Variants in CCDC170 observed in about 807,000 individuals in gnomAD.
CCDC170 encodes the protein coiled-coil domain containing 170, also known as coiled-coil domain-containing protein 170.
CCDC170 carries 69 observed loss-of-function variants against 72.6 expected under a neutral mutation model. That is an observed-to-expected ratio of 0.95 (90% CI 0.78 to 1.16). CCDC170 has a LOEUF of 1.16. Ranked by LOEUF, CCDC170 falls within the 50% of genes most tolerant of loss-of-function variation. CCDC170 has a pLI of 0.00. For missense variants in CCDC170, 852 were observed against 832.5 expected, an observed-to-expected ratio of 1.02 and a Z score of -0.29; for synonymous variants, 300 against 303.9, an observed-to-expected ratio of 0.99 and a Z score of 0.13.
chr6:151,575,693 CTAA>C (rs1386221541), intron 6 of CCDC170, among the ~76,000 whole-genome samples: 1 of 151,528 alleles, frequency 6.6e-6, no homozygotes, highest in Non-Finnish European at 1.5e-5. Context: ...CCACACCCAG[CTAA>C]TTTTTGTATT....
At chr6:151,526,512 G>T (rs12210735) in intron 1 of CCDC170, among the ~76,000 whole-genome samples, 1 of 141,954 alleles carries the variant, frequency 7.0e-6, no homozygotes. Context: ...GAGCCACCCC[G>T]CCTGGCCTTT....
At chr6:151,538,388 A>G (rs1477608213) in intron 3 of CCDC170, 87 bp downstream of exon 3, 1 of 1,302,026 alleles carries the variant, frequency 7.7e-7, no homozygotes, top group African/African-American at 1.5e-5. Flanking sequence ...AAGTACTGGC[A>G]TTTTGCATTA....
rs1457571509 is a variant in CCDC170, at chr6:151,573,732, AGAG to A, written c.1092+242_1092+244del. Among the ~76,000 whole-genome samples, 45 of 152,310 alleles carry A rather than the reference AGAG, an allele frequency of 3.0e-4. No homozygotes were observed. In the East Asian group the frequency reaches 4.8e-3, roughly 16 times the overall value. ...TCTTACGTGGTGGCAGGCAAGAGAGAGAGTGTGCAGGGGAACTGCCCTTTATAA... is the reference window on the plus strand; with the variant it reads ...TCTTACGTGGTGGCAGGCAAGAGAGATGTGCAGGGGAACTGCCCTTTATAA... On this transcript the variant is annotated intron_variant, in intron 6 of 10. Coordinates refer to ENST00000239374, the MANE Select transcript of CCDC170 (RefSeq NM_025059.4).
intron 1 of CCDC170, among the ~76,000 whole-genome samples, chr6:151,533,398 TGG>T (rs1229355268): frequency 6.6e-6 from 1 of 151,924 alleles, no homozygotes; most frequent in Non-Finnish European, 1.5e-5. Context: ...CTGGGCGTAG[TGG>T]CTCATGTCAG....
rs1782622851 is a variant in CCDC170 at position 151,538,120 on chromosome 6, A to C, written c.262A>C (p.Lys88Gln). 1.9e-6 allele frequency: 3 copies of C among 1,613,884 alleles called. No homozygotes were observed. Among genetic ancestry groups the C allele is most frequent in the Non-Finnish European group, 2.5e-6 (3 of 1,179,936 alleles). ...ACTGAAAGCTGAAATGGAGAGCTAC[A>C]AGGAAAACAATGCCAGAAAATCATC... ...QELKAEMESY[K>Q]ENNARKSSLL... Residue 88 changes from lysine (K) to glutamine (Q), a missense_variant, in exon 3 of 11, where the codon AAG becomes CAG. Physicochemically the swap from Lys to Gln is moderately conservative, Grantham distance 53. Coordinates refer to ENST00000239374, the MANE Select transcript of CCDC170 (RefSeq NM_025059.4).
chr6:151,588,759 G>A (rs1197138071), intron 7 of CCDC170, among the ~76,000 whole-genome samples: 4 of 152,004 alleles, frequency 2.6e-5, no homozygotes, highest in Non-Finnish European at 5.9e-5. Context: ...TGGGCAACAT[G>A]GTGAAACCCC....
chr6:151,538,720 C>G (rs17824408), intron 3 of CCDC170, among the ~76,000 whole-genome samples: 26,951 of 152,076 alleles, frequency 0.18, 2,469 homozygotes, highest in East Asian at 0.27. Flanking sequence ...GATTTTATTG[C>G]TAGTTTATGC....
intron 1 of CCDC170, among the ~76,000 whole-genome samples, chr6:151,533,547 A>C (rs1782527017): frequency 6.6e-6 from 1 of 151,816 alleles, no homozygotes; most frequent in Non-Finnish European, 1.5e-5. Flanking sequence ...CATGCCTGTA[A>C]TCCCAGCTAT....
chr6:151,583,273 G>T (rs868221231), intron 6 of CCDC170, among the ~76,000 whole-genome samples: 3 of 151,656 alleles, frequency 2.0e-5, no homozygotes, highest in African/African-American at 7.3e-5. Context: ...GATTACAGGC[G>T]TGAGCCACCG....
intron 5 of CCDC170, among the ~76,000 whole-genome samples, chr6:151,566,602 C>T (rs979927579): frequency 2.0e-5 from 3 of 151,972 alleles, no homozygotes; most frequent in African/African-American, 7.2e-5. Context: ...AATTAATTTT[C>T]GATAATGAAA....
intron 3 of CCDC170, among the ~76,000 whole-genome samples, chr6:151,543,286 G>C (rs1321608653): frequency 6.6e-6 from 1 of 151,996 alleles, no homozygotes; most frequent in Non-Finnish European, 1.5e-5. Context: ...GCCAATTCTA[G>C]TACTTTCCTA....
intron 7 of CCDC170, among the ~76,000 whole-genome samples, chr6:151,587,668 GA>G (rs2115106967): frequency 6.6e-6 from 1 of 152,300 alleles, no homozygotes; most frequent in African/African-American, 2.4e-5. Flanking sequence ...GGTGTCTGTG[GA>G]AAATCAAGTC....
chr6:151,572,651 T>TTTTTTG (rs1776236139), intron 5 of CCDC170, among the ~76,000 whole-genome samples: 1 of 74,394 alleles, frequency 1.3e-5, no homozygotes, highest in Non-Finnish European at 2.5e-5. Context: ...TTCTCTGTGT[T>TTTTTTG]TTTTTTTTTT....
At chr6:151,498,060 T>C (rs1431771737) in intron 1 of CCDC170, among the ~76,000 whole-genome samples, 1 of 150,092 alleles carries the variant, frequency 6.7e-6, no homozygotes, top group African/African-American at 2.4e-5. Flanking sequence ...GGATTCCAAA[T>C]CCTCTGACAC....
At chr6:151,577,114 C>G (rs1017289441) in intron 6 of CCDC170, among the ~76,000 whole-genome samples, 6 of 152,124 alleles carry the variant, frequency 3.9e-5, no homozygotes, top group African/African-American at 1.4e-4. Flanking sequence ...AGAAGCTTTA[C>G]TATATCTTAG....
intron 6 of CCDC170, among the ~76,000 whole-genome samples, chr6:151,577,691 G>C (rs1421140231): frequency 6.6e-6 from 1 of 152,218 alleles, no homozygotes; most frequent in Non-Finnish European, 1.5e-5. Flanking sequence ...CCGCACCAGT[G>C]CCTGGCCTAG....
chr6:151,520,591 A>G (rs1782301568), intron 1 of CCDC170, among the ~76,000 whole-genome samples: 1 of 152,248 alleles, frequency 6.6e-6, no homozygotes, highest in African/African-American at 2.4e-5. Context: ...CATTAGCCAC[A>G]AGATTAGAAA....
chr6:151,544,882 G>C (rs1782748343), intron 4 of CCDC170, among the ~76,000 whole-genome samples, 166 bp downstream of exon 4: 1 of 152,110 alleles, frequency 6.6e-6, no homozygotes, highest in Admixed American at 6.5e-5. Flanking sequence ...TCACCTGCCT[G>C]AGCCTCAATT....
rs181749704 is a variant in CCDC170 at position 151,615,539 on chromosome 6, T to G, written c.1807T>G (p.Ser603Ala). Residue 603 changes from serine to alanine, a missense_variant, in exon 10 of 11, where the codon TCT becomes GCT. By Grantham distance (99) the Ser-to-Ala change is moderately conservative. Transcript: ENST00000239374. ...MKEKAEKKLMSVKSELDTTEH... is the reference protein window; with the variant it reads ...MKEKAEKKLMAVKSELDTTEH... Reference sequence around the variant, plus strand: ...GGAGAAAGCTGAGAAAAAGCTCATGTCTGTCAAGTCAGAACTGGATACCAC... The same window carrying G: ...GGAGAAAGCTGAGAAAAAGCTCATGGCTGTCAAGTCAGAACTGGATACCAC... The G allele has an allele frequency of 6.2e-7, 1 of 1,614,086 alleles. No individual in the cohort carries two copies. The highest frequency in any genetic ancestry group is 1.3e-5 in the African/African-American group (1 of 75,044).
Sources: allele counts gnomAD v4.1 joint callset (sites outside exome capture counted in the v4.1 genomes callset), GRCh38; gene constraint gnomAD v4.1.1; transcripts MANE v1.5; gene names NCBI Gene and HGNC (gene_info 2026-07-23, HGNC 2026-07-21).